Variants in RPS6KA2 observed in about 807,000 individuals in gnomAD.
RPS6KA2 encodes ribosomal protein S6 kinase A2.
RPS6KA2 carries 42 observed loss-of-function variants against 91.8 expected under a neutral mutation model. The ratio of observed to expected loss-of-function variants is 0.46; its 90% confidence interval spans 0.36 to 0.59. RPS6KA2 has a LOEUF of 0.59. Ranked by LOEUF, RPS6KA2 falls within the 20% of genes least tolerant of loss-of-function variation. The pLI, the probability that RPS6KA2 is intolerant of heterozygous loss-of-function variation, is 0.00. For missense variants in RPS6KA2, 798 were observed against 978.5 expected (o/e 0.82, Z 2.46); for synonymous variants, 414 against 393.6 (o/e 1.05, Z -0.61).
At chr6:166,763,788 GC>G (rs557180096) in intron 2 of RPS6KA2, among the ~76,000 whole-genome samples, 96 of 152,286 alleles carry the variant, frequency 6.3e-4, no homozygotes, top group African/African-American at 2.2e-3. Context: ...AGTCCCAAGG[GC>G]CCCATGATAA....
chr6:166,531,702 C>T (rs1179477185), intron 2 of RPS6KA2, among the ~76,000 whole-genome samples: 1 of 152,146 alleles, frequency 6.6e-6, no homozygotes, highest in African/African-American at 2.4e-5. Context: ...AAAGGTATTA[C>T]CAATCACACA....
chr6:166,742,884 G>A (rs1046282808), intron 2 of RPS6KA2, among the ~76,000 whole-genome samples: 11 of 152,200 alleles, frequency 7.2e-5, no homozygotes, highest in African/African-American at 9.7e-5. Context: ...GAACGGGAGC[G>A]TTCCCATTAT....
In RPS6KA2 at chr6:166,508,964, A is replaced by G. The variant is rs1019998738; in HGVS notation, c.380-682T>C. On this transcript the variant is annotated intron_variant, in intron 4 of 20. Coordinates refer to ENST00000265678, the MANE Select transcript of RPS6KA2 (RefSeq NM_021135.6). The surrounding 1 kb of genome is among the most constrained non-coding windows in gnomAD (Gnocchi z 4.3). ...GGAGGGTCTAGAGAAGCCCGTCACC[A>G]TCGCTGCTGTGACGATGGTTGCTGC... is the stretch of plus-strand genomic sequence containing the variant. Among the ~76,000 whole-genome samples the G allele has an allele frequency of 6.6e-6, 1 of 152,214 alleles. No individual in the cohort carries two copies.
intron 2 of RPS6KA2, among the ~76,000 whole-genome samples, chr6:166,804,745 C>T (rs1227965505): frequency 6.6e-6 from 1 of 151,906 alleles, no homozygotes. Flanking sequence ...CATTCTCTGG[C>T]ATCTCACTGT....
At chr6:166,474,084 AG>A (rs529951651) in intron 10 of RPS6KA2, among the ~76,000 whole-genome samples, 114 of 151,138 alleles carry the variant, frequency 7.5e-4, no homozygotes, top group African/African-American at 2.7e-3. Flanking sequence ...GCGGTGTGGG[AG>A]TCAGATCTGC....
intron 2 of RPS6KA2, among the ~76,000 whole-genome samples, chr6:166,837,551 C>T (rs896408128): frequency 2.0e-5 from 3 of 152,240 alleles, no homozygotes; most frequent in African/African-American, 7.2e-5. Flanking sequence ...CAGTCCCCTC[C>T]CCCTGCGAGA....
rs75664437 is a variant in RPS6KA2 at position 166,689,175 on chromosome 6, G to A, written c.124-150391C>T. Among the ~76,000 whole-genome samples, 557 of 152,354 alleles carry A rather than the reference G, an allele frequency of 3.7e-3. 3 individuals carry two copies. Among genetic ancestry groups the A allele is most frequent in the Non-Finnish European group, 4.9e-3 (332 of 68,034 alleles). ...CCCTACCAAAGCCCTCGCTTTCTCAGTGCCGAGCACCATGTTTCCATGTGG... is the reference window on the plus strand; with the variant it reads ...CCCTACCAAAGCCCTCGCTTTCTCAATGCCGAGCACCATGTTTCCATGTGG... On this transcript the variant is annotated intron_variant, in intron 2 of 21. Coordinates refer to the RPS6KA2 transcript ENST00000503859.
chr6:166,477,180 T>C (rs887804393), intron 10 of RPS6KA2, among the ~76,000 whole-genome samples: 2 of 152,164 alleles, frequency 1.3e-5, no homozygotes, highest in African/African-American at 4.8e-5. Context: ...CTGTAGCTTC[T>C]TCATGTTGAG....
chr6:166,537,857 A>G (rs542560479), intron 2 of RPS6KA2, among the ~76,000 whole-genome samples: 2 of 152,380 alleles, frequency 1.3e-5, no homozygotes, highest in South Asian at 2.1e-4. Context: ...CAGAGCCTAT[A>G]TATTTCTAAC....
At chr6:166,616,740 G>A (rs1382666789) in intron 1 of RPS6KA2, among the ~76,000 whole-genome samples, 1 of 152,228 alleles carries the variant, frequency 6.6e-6, no homozygotes, top group African/African-American at 2.4e-5. Flanking sequence ...AGGGCCTGAT[G>A]GCCACATGTG....
chr6:166,555,965 G>A (rs1201974257), intron 1 of RPS6KA2, among the ~76,000 whole-genome samples: 1 of 152,178 alleles, frequency 6.6e-6, no homozygotes, highest in Non-Finnish European at 1.5e-5. Flanking sequence ...GCTAAGTGGG[G>A]TATCTGGGGG....
chr6:166,734,659 C>T (rs1321566015), intron 2 of RPS6KA2, among the ~76,000 whole-genome samples: 3 of 121,470 alleles, frequency 2.5e-5, no homozygotes, highest in African/African-American at 1.7e-4. Context: ...GCAAGAGTCA[C>T]TGGGGGCGTG....
chr6:166,674,334 TG>T, intron 2 of RPS6KA2, among the ~76,000 whole-genome samples: 1 of 152,212 alleles, frequency 6.6e-6, no homozygotes, highest in Non-Finnish European at 1.5e-5. Flanking sequence ...CAGAGGCTGC[TG>T]CCTGGCTGAG....
intron 11 of RPS6KA2, among the ~76,000 whole-genome samples, chr6:166,466,552 G>A (rs1382473203): frequency 1.3e-5 from 2 of 152,144 alleles, no homozygotes; most frequent in Non-Finnish European, 2.9e-5. Flanking sequence ...CCAGGATGCT[G>A]CCCTGCCCAC....
chr6:166,862,057 A>C lies in RPS6KA2; in HGVS notation c.63+51T>G, dbSNP rs750922344. ...TAAATGAGCAATGCATTGGCTGCAG[A>C]GTTCGGATTCTTGAGGATGCTGTGA... On this transcript the variant is annotated intron_variant, in intron 1 of 21. Coordinates refer to the RPS6KA2 transcript ENST00000503859. The C allele has an allele frequency of 5.6e-6, 9 of 1,612,550 alleles. No homozygotes were observed. The African/African-American group carries it at 1.1e-4, about 19-fold the overall frequency.
chr6:166,550,505 A>G (rs1783966010), intron 1 of RPS6KA2, among the ~76,000 whole-genome samples: 1 of 152,208 alleles, frequency 6.6e-6, no homozygotes, highest in Non-Finnish European at 1.5e-5. Context: ...CAACACACAG[A>G]TTCCTCCCGT....
chr6:166,569,294 C>T (rs990987928), intron 1 of RPS6KA2, among the ~76,000 whole-genome samples: 17 of 152,174 alleles, frequency 1.1e-4, no homozygotes, highest in Non-Finnish European at 2.5e-4. Flanking sequence ...TTCTTCTGAG[C>T]GACCTCTCCA....
intron 11 of RPS6KA2, among the ~76,000 whole-genome samples, chr6:166,467,493 G>A (rs1180142964): frequency 3.3e-5 from 5 of 152,232 alleles, no homozygotes; most frequent in Non-Finnish European, 5.9e-5. Flanking sequence ...GCTGCAGTTT[G>A]GAAGAGCCGC....
At chr6:166,479,760 G>A (rs138115319) in intron 10 of RPS6KA2, among the ~76,000 whole-genome samples, 78 of 152,324 alleles carry the variant, frequency 5.1e-4, no homozygotes, top group African/African-American at 1.7e-3. Flanking sequence ...CCGTCCCTCC[G>A]GGGAGAAGCA....
Sources: gnomAD v4.1 joint callset for allele counts (sites outside exome capture counted in the v4.1 genomes callset) on GRCh38, gnomAD v4.1.1 for gene constraint, Gnocchi (gnomAD v3.1) non-coding constraint, MANE v1.5 for transcripts, NCBI Gene and HGNC (gene_info 2026-07-23, HGNC 2026-07-21) for gene names.